Variants in TPTE2 observed in about 807,000 individuals in gnomAD.
TPTE2 encodes phosphatidylinositol 3,4,5-trisphosphate 3-phosphatase TPTE2.
Under a neutral mutation model 78.6 loss-of-function variants are expected in TPTE2, and 53 were observed. The observed-to-expected ratio is 0.67, with a 90% CI of 0.54 to 0.85. TPTE2 has a LOEUF of 0.85. TPTE2 is among the 40% of genes least tolerant of loss of function. The pLI is 0.00. For missense variants in TPTE2, 461 were observed against 623.0 expected (o/e 0.74, Z 2.77); for synonymous variants, 175 against 206.2 (o/e 0.85, Z 1.30).
At chr13:19,506,406 C>A (rs1452994758), upstream of TPTE2, among the ~76,000 whole-genome samples, 1 of 151,718 alleles carries the variant, frequency 6.6e-6, no homozygotes, top group Non-Finnish European at 1.5e-5. Flanking sequence ...ATCTCCTGAC[C>A]TCGTGATCCG....
intron 1 of TPTE2, among the ~76,000 whole-genome samples, chr13:19,531,908 C>T (rs1394001367): frequency 3.3e-5 from 5 of 152,080 alleles, no homozygotes; most frequent in Non-Finnish European, 7.3e-5. Context: ...GCCTTGGTGA[C>T]AGAGCAAGAC....
chr13:19,522,872 C>T (rs891730152), intron 1 of TPTE2, among the ~76,000 whole-genome samples: 4 of 152,076 alleles, frequency 2.6e-5, no homozygotes, highest in African/African-American at 4.8e-5. Context: ...ATGATCCACC[C>T]GCCTCAGCCT....
upstream of TPTE2, among the ~76,000 whole-genome samples, chr13:19,539,797 GTTCT>G (rs1871386656): frequency 6.6e-6 from 1 of 151,982 alleles, no homozygotes; most frequent in South Asian, 2.1e-4. Context: ...GCTCTTCTTG[GTTCT>G]TTGTTTCTCC....
At chr13:19,491,254 T>C (rs986013986) in intron 3 of TPTE2, among the ~76,000 whole-genome samples, 1 of 152,220 alleles carries the variant, frequency 6.6e-6, no homozygotes, top group Non-Finnish European at 1.5e-5. Flanking sequence ...TGTGTTACTG[T>C]TGTCATTTCA....
intron 1 of TPTE2, among the ~76,000 whole-genome samples, chr13:19,522,554 C>T (rs1381948534): frequency 1.3e-5 from 2 of 151,392 alleles, no homozygotes; most frequent in Non-Finnish European, 2.9e-5. Flanking sequence ...TGACAGCAAG[C>T]AGGTTTAGTA....
At chr13:19,479,807 CA>C (rs1385659882) in intron 4 of TPTE2, among the ~76,000 whole-genome samples, 1 of 151,764 alleles carries the variant, frequency 6.6e-6, no homozygotes, top group East Asian at 1.9e-4. Context: ...ACTAAAAATA[CA>C]AAAAATTAGC....
At chr13:19,497,205 C>T (rs1252935609) in intron 1 of TPTE2, among the ~76,000 whole-genome samples, 14 of 150,258 alleles carry the variant, frequency 9.3e-5, no homozygotes, top group Non-Finnish European at 1.5e-4. Context: ...AACTGCAAGG[C>T]GGCAGCGAGG....
rs139678370 is a variant in TPTE2 at position 19,461,167 on chromosome 13, C to T, written c.741+3289G>A. 1.8e-3 allele frequency among the ~76,000 whole-genome samples: 272 copies of T among 152,098 alleles called. 1 individual carries two copies. The highest frequency in any genetic ancestry group is 6.0e-3 in the African/African-American group (251 of 41,490). The stretch of plus-strand genomic sequence containing the variant: ...CCGCTCCTGGGACTCTTGCCTCTGC[C>T]GTCACGTGAACAGGCCTGAAGTAGC... On this transcript the variant is annotated intron_variant, in intron 10 of 19. Transcript: ENST00000400230.
At chr13:19,522,092 G>C (rs189516519) in intron 1 of TPTE2, among the ~76,000 whole-genome samples, 5 of 152,106 alleles carry the variant, frequency 3.3e-5, no homozygotes, top group Non-Finnish European at 5.9e-5. Context: ...CTCCTTCAAT[G>C]TTGAAGGATA....
At chr13:19,493,709 T>C in intron 1 of TPTE2, 2 of 620,534 alleles carry the variant, frequency 3.2e-6, no homozygotes, top group Non-Finnish European at 5.8e-6. Flanking sequence ...CTGGGGAAAA[T>C]TGTAATGCTT....
chr13:19,495,100 G>A lies in TPTE2; in HGVS notation c.12-1599C>T, dbSNP rs573939984. On this transcript the variant is annotated intron_variant, in intron 1 of 19. Coordinates refer to ENST00000400230, the Ensembl canonical transcript of TPTE2. The stretch of plus-strand genomic sequence containing the variant: ...AAATTTACTTTCTAAGTCCCGCTTC[G>A]TATAATCCCATCTGAGTTCCTCATT... Among the ~76,000 whole-genome samples, 11 of 152,242 alleles carry A rather than the reference G, an allele frequency of 7.2e-5. No individual in the cohort carries two copies. The South Asian group carries it at 8.3e-4, about 11-fold the overall frequency.
At chr13:19,482,256 T>C (rs1035686432) in intron 4 of TPTE2, among the ~76,000 whole-genome samples, 1 of 152,174 alleles carries the variant, frequency 6.6e-6, no homozygotes, top group Non-Finnish European at 1.5e-5. Flanking sequence ...AAGAATACTT[T>C]TTACATTTTC....
intron 10 of TPTE2, 148 bp downstream of exon 13, chr13:19,464,308 T>C (rs1566051411): frequency 8.5e-6 from 7 of 825,262 alleles, no homozygotes; most frequent in South Asian, 1.9e-5. Flanking sequence ...ACTGGCACAA[T>C]TGTAACTGGT....
intron 3 of TPTE2, among the ~76,000 whole-genome samples, chr13:19,491,545 G>T (rs1880987431): frequency 6.6e-6 from 1 of 152,070 alleles, no homozygotes; most frequent in South Asian, 2.1e-4. Flanking sequence ...ATACATTTTA[G>T]CCAGGCGCAG....
At chr13:19,483,361 A>C (rs1880470360) in intron 3 of TPTE2, among the ~76,000 whole-genome samples, 1 of 151,660 alleles carries the variant, frequency 6.6e-6, no homozygotes, top group African/African-American at 2.4e-5. Flanking sequence ...CAGGTTTTCT[A>C]TTTCTTCTTG....
chr13:19,429,732 G>C (rs1876411978), intron 17 of TPTE2, among the ~76,000 whole-genome samples: 1 of 152,146 alleles, frequency 6.6e-6, no homozygotes, highest in African/African-American at 2.4e-5. Context: ...TTAGTAATAG[G>C]AGAATTTGAG....
chr13:19,436,201 T>G, intron 15 of TPTE2, 25 bp downstream of exon 18: 1 of 1,589,394 alleles, frequency 6.3e-7, no homozygotes, highest in Non-Finnish European at 8.6e-7. Context: ...CTAAAAAAAC[T>G]CCCATTTTTA....
intron 15 of TPTE2, among the ~76,000 whole-genome samples, chr13:19,433,583 A>G (rs542807118): frequency 1.9e-4 from 29 of 152,344 alleles, no homozygotes; most frequent in Non-Finnish European, 1.5e-4. Flanking sequence ...TGTTCATTAA[A>G]GTAACTAACT....
upstream of TPTE2, among the ~76,000 whole-genome samples, chr13:19,540,596 C>T (rs1871413552): frequency 6.6e-6 from 1 of 152,078 alleles, no homozygotes; most frequent in African/African-American, 2.4e-5. Context: ...TGAGCCACTG[C>T]ACCCAGCCCA....
Sources: gnomAD v4.1 joint callset for allele counts (sites outside exome capture counted in the v4.1 genomes callset) on GRCh38, gnomAD v4.1.1 for gene constraint, MANE v1.5 for transcripts, NCBI Gene and HGNC (gene_info 2026-07-23, HGNC 2026-07-21) for gene names.